DNAH14: variants seen among roughly 807,000 people sequenced by gnomAD.
DNAH14 encodes axonemal beta dynein heavy chain 14.
A neutral mutation model predicts 520.9 loss-of-function variants in DNAH14; 478 were observed. The observed-to-expected ratio is 0.92, with a 90% CI of 0.85 to 0.99. The LOEUF is 0.99. Ranked by LOEUF, DNAH14 falls within the 50% of genes least tolerant of loss-of-function variation. The pLI is 0.00. For synonymous variants in DNAH14, 1,581 were observed against 1,757.2 expected, an observed-to-expected ratio of 0.90 and a Z score of 2.51; for missense variants, 4,831 against 5,234.5, an observed-to-expected ratio of 0.92 and a Z score of 2.38.
At chr1:225,033,301 G>A (rs1274031554) in intron 11 of DNAH14, among the ~76,000 whole-genome samples, 2 of 152,150 alleles carry the variant, frequency 1.3e-5, no homozygotes, top group Non-Finnish European at 2.9e-5. Flanking sequence ...CATATGGCTA[G>A]CTAGTTATCT....
chr1:225,065,419 C>T (rs951786466), intron 17 of DNAH14, among the ~76,000 whole-genome samples: 2 of 151,408 alleles, frequency 1.3e-5, no homozygotes, highest in Admixed American at 6.6e-5. Context: ...AATATATTCA[C>T]CATGCTGTGC....
At chr1:225,030,367 CAA>C (rs1398477108) in intron 11 of DNAH14, among the ~76,000 whole-genome samples, 1 of 151,790 alleles carries the variant, frequency 6.6e-6, no homozygotes, top group African/African-American at 2.4e-5. Flanking sequence ...TTTTGATAAA[CAA>C]GAGTTTTTAA....
chr1:225,080,687 T>A lies in DNAH14; in HGVS notation c.3075T>A (p.Asp1025Glu), dbSNP rs770440597. ...GGAATAGTTCTCTTCAAAGTATTGA[T>A]GTAGAATCAGTACAGAGAAATGTTT... is the stretch of plus-strand genomic sequence containing the variant. ...EWRNSSLQSI[D>E]VESVQRNVSK... The change falls in exon 19 of 86, where the codon GAT becomes GAA. Residue 1025 changes from aspartate to glutamate, a missense_variant. Physicochemically the swap from Asp to Glu is conservative, Grantham distance 45. Transcript: ENST00000682510. 1 of 1,551,038 alleles carries A rather than the reference T, an allele frequency of 6.4e-7. No homozygotes were observed. The highest frequency in any genetic ancestry group is 1.2e-5 in the South Asian group (1 of 83,912).
rs553878218 is a variant in DNAH14 at position 225,191,417 on chromosome 1, T to G, written c.5671-1279T>G. The stretch of plus-strand genomic sequence containing the variant: ...ATCATCCCATGCCTTCTGGCCTTTG[T>G]GCTTTCTGATGAGAATTGACTTTTA... On this transcript the variant is annotated intron_variant, in intron 37 of 85. Transcript: ENST00000682510. Among the ~76,000 whole-genome samples the G allele has an allele frequency of 7.9e-4, 120 of 152,186 alleles. 1 individual carries two copies. The highest frequency in any genetic ancestry group is 2.7e-3 in the African/African-American group (113 of 41,566).
chr1:224,981,260 G>T (rs2125696125), intron 8 of DNAH14, among the ~76,000 whole-genome samples: 1 of 152,230 alleles, frequency 6.6e-6, no homozygotes, highest in South Asian at 2.1e-4. Flanking sequence ...TTTTGGTTGT[G>T]TCCTTTCTTG....
intron 16 of DNAH14, among the ~76,000 whole-genome samples, chr1:225,050,643 C>G (rs2068449226): frequency 6.6e-6 from 1 of 152,212 alleles, no homozygotes; most frequent in South Asian, 2.1e-4. Context: ...TGCCATACCT[C>G]AACTCTTTCC....
Position 225,266,767 on chromosome 1 carries a change from A to G in DNAH14, c.7537A>G (p.Lys2513Glu). The G allele has an allele frequency of 6.6e-7, 1 of 1,505,044 alleles. No individual in the cohort carries two copies. The highest frequency in any genetic ancestry group is 8.8e-7 in the Non-Finnish European group (1 of 1,130,366). The allele number at this position is 1,505,044 out of a possible 1,614,324, so 93.2% of individuals were successfully genotyped here. Residue 2513 changes from lysine to glutamate, a missense_variant and splice_region_variant, in exon 49 of 86, where the codon AAG (lysine) becomes GAG (glutamate). Transcript: ENST00000682510. ...GVYDTEKNTW[K>E]NIQDLSIVAA... is the part of the protein sequence containing the mutation. ...TTATGATACTGAAAAAAATACATGG[A>G]AGGTACAGTATATACTAAGATTTTG...
At chr1:225,083,603 T>A (rs2073393777) in intron 20 of DNAH14, among the ~76,000 whole-genome samples, 1 of 151,856 alleles carries the variant, frequency 6.6e-6, no homozygotes, top group Non-Finnish European at 1.5e-5. Context: ...GCTCTTCCTC[T>A]GTGTTTCTTA....
At chr1:225,337,771 A>C (rs1378175645) in intron 67 of DNAH14, among the ~76,000 whole-genome samples, 1 of 152,224 alleles carries the variant, frequency 6.6e-6, no homozygotes, top group Non-Finnish European at 1.5e-5. Context: ...TATGGGGTAC[A>C]TAAGATGTTT....
In DNAH14 at chr1:225,388,470, C is replaced by A; in HGVS notation, c.13169C>A (p.Ala4390Asp). ...TTCTTCAATACTTGGGCCAAAGTGG[C>A]TTATACTGCAATACAGCGTCGGTAT... ...LNFFNTWAKV[A>D]YTAIQRRYMR... is the part of the protein sequence containing the mutation. The change falls in exon 82 of 86, where the codon GCT becomes GAT. Residue 4390 changes from alanine to aspartate, a missense_variant. By Grantham distance (126) the Ala-to-Asp change is moderately radical (BLOSUM62 -2). Transcript: ENST00000682510. 6.6e-7 allele frequency: 1 copy of A among 1,526,262 alleles called. No individual in the cohort carries two copies. Among genetic ancestry groups the A allele is most frequent in the Non-Finnish European group, 8.9e-7 (1 of 1,126,552 alleles). 94.5% of individuals were successfully genotyped at this position (1,526,262 alleles called of 1,614,324 possible).
intron 66 of DNAH14, among the ~76,000 whole-genome samples, chr1:225,336,027 GTA>G (rs1365509131): frequency 2.7e-5 from 3 of 109,274 alleles, no homozygotes; most frequent in South Asian, 3.1e-4. Flanking sequence ...ATGCATATAT[GTA>G]TATACACACA....
chr1:225,303,666 G>A (rs970091669), intron 57 of DNAH14, among the ~76,000 whole-genome samples: 1 of 152,148 alleles, frequency 6.6e-6, no homozygotes, highest in Non-Finnish European at 1.5e-5. Flanking sequence ...TGGTAAGGAT[G>A]CTGCAACCTT....
chr1:225,192,406 A>G (rs1442100330), intron 37 of DNAH14, among the ~76,000 whole-genome samples: 1 of 152,128 alleles, frequency 6.6e-6, no homozygotes, highest in Non-Finnish European at 1.5e-5. Flanking sequence ...GTCCCCAGAC[A>G]CATTACATGC....
At chr1:225,027,107 C>T (rs1469707316) in intron 11 of DNAH14, among the ~76,000 whole-genome samples, 1 of 151,938 alleles carries the variant, frequency 6.6e-6, no homozygotes, top group African/African-American at 2.4e-5. Flanking sequence ...GATCTTATGT[C>T]CTGCTACTTT....
chr1:224,952,555 T>C, intron 1 of DNAH14, 115 bp from the exon 2 acceptor site: 1 of 505,174 alleles, frequency 2.0e-6, no homozygotes, highest in Non-Finnish European at 3.4e-6. Flanking sequence ...GCAGTCAGGA[T>C]ATTATATTAA....
chr1:225,296,875 T>C (rs1574595480), intron 55 of DNAH14, among the ~76,000 whole-genome samples: 1 of 152,216 alleles, frequency 6.6e-6, no homozygotes, highest in Non-Finnish European at 1.5e-5. Context: ...TTCCCATTTA[T>C]ATGATGACAT....
At chr1:224,986,416 G>T (rs2062646475) in intron 8 of DNAH14, among the ~76,000 whole-genome samples, 1 of 150,278 alleles carries the variant, frequency 6.7e-6, no homozygotes, top group Non-Finnish European at 1.5e-5. Flanking sequence ...AAATTCAACA[G>T]CATATTAAAA....
intron 69 of DNAH14, among the ~76,000 whole-genome samples, chr1:225,345,308 A>G (rs1272878919): frequency 6.6e-6 from 1 of 152,226 alleles, no homozygotes; most frequent in Non-Finnish European, 1.5e-5. Context: ...AGAATCAAAG[A>G]TAGTGAGGGC....
At chr1:224,937,537 A>T (rs1317544186) in intron 1 of DNAH14, among the ~76,000 whole-genome samples, 2 of 152,042 alleles carry the variant, frequency 1.3e-5, no homozygotes, top group African/African-American at 4.8e-5. Context: ...TGAAAATTTG[A>T]TGAAAGTAAT....
Sources: allele counts gnomAD v4.1 joint callset (sites outside exome capture counted in the v4.1 genomes callset), GRCh38; gene constraint gnomAD v4.1.1; transcripts MANE v1.5; gene names NCBI Gene and HGNC (gene_info 2026-07-23, HGNC 2026-07-21).